RELN: variants seen among roughly 807,000 people sequenced by gnomAD.
The protein encoded by RELN is reelin.
RELN carries 108 observed loss-of-function variants against 427.6 expected under a neutral mutation model. The observed-to-expected ratio is 0.25, with a 90% CI of 0.22 to 0.30. RELN has a LOEUF of 0.30. RELN is among the 10% of genes least tolerant of loss of function. The pLI, the probability that RELN is intolerant of heterozygous loss-of-function variation, is 1.00. For synonymous variants in RELN, 1,524 were observed against 1,513.4 expected (o/e 1.01, Z -0.16); for missense variants, 3,715 against 4,302.8 (o/e 0.86, Z 3.82).
chr7:103,733,494 T>C (rs1790409699), intron 6 of RELN, among the ~76,000 whole-genome samples: 1 of 143,234 alleles, frequency 7.0e-6, no homozygotes, highest in Non-Finnish European at 1.5e-5. Flanking sequence ...TGCACATGTA[T>C]GTTTATTGTG....
chr7:103,775,187 G>C (rs538857137), intron 4 of RELN, among the ~76,000 whole-genome samples: 1 of 152,212 alleles, frequency 6.6e-6, no homozygotes, highest in African/African-American at 2.4e-5. Context: ...TATATTTTCA[G>C]TAATGTGAGT....
At position 103,739,207 on chromosome 7, in the gene RELN, A is replaced by C. The variant is rs891398807; in HGVS notation, c.656+10219T>G. Among the ~76,000 whole-genome samples the C allele has an allele frequency of 8.5e-4, 130 of 152,346 alleles. 1 individual carries two copies. The highest frequency in any genetic ancestry group is 3.0e-3 in the African/African-American group (126 of 41,586). On this transcript the variant is annotated intron_variant, in intron 6 of 64. Transcript: ENST00000428762. The stretch of plus-strand genomic sequence containing the variant: ...TCAAGAATTTCCCCATTCACATAAA[A>C]TACTGGCACTGTTTATATTATAGTG...
intron 1 of RELN, among the ~76,000 whole-genome samples, chr7:103,981,890 G>A (rs774729636): frequency 6.6e-6 from 1 of 152,138 alleles, no homozygotes; most frequent in Non-Finnish European, 1.5e-5. Flanking sequence ...ACTCTGACTG[G>A]GTGCAGTGGC....
At chr7:103,684,164 T>C (rs534176208) in intron 10 of RELN, among the ~76,000 whole-genome samples, 1 of 152,214 alleles carries the variant, frequency 6.6e-6, no homozygotes, top group South Asian at 2.1e-4. Context: ...GAGTTGATAA[T>C]CATAGGCCCT....
At position 103,485,042 on chromosome 7, in the gene RELN, G is replaced by A. The variant is rs147216802; in HGVS notation, c.9983+1155C>T. Among the ~76,000 whole-genome samples, 6 of 152,220 alleles carry A rather than the reference G, an allele frequency of 3.9e-5. No homozygotes were observed. In the East Asian group the frequency reaches 1.2e-3, roughly 29 times the overall value. On this transcript the variant is annotated intron_variant, in intron 61 of 64. Transcript: ENST00000428762. The stretch of plus-strand genomic sequence containing the variant: ...AATAAATCATCATAAGATTCCTCAT[G>A]ATTAACAGAGTACCTAATTTAAAGT...
chr7:103,581,960 T>C (rs1046880739), intron 28 of RELN, among the ~76,000 whole-genome samples: 2 of 151,948 alleles, frequency 1.3e-5, no homozygotes, highest in African/African-American at 4.8e-5. Flanking sequence ...TAATAAATCA[T>C]TATTGTTTTG....
At chr7:103,566,549 G>A in intron 32 of RELN, 52 bp downstream of exon 32, 9 of 1,608,442 alleles carry the variant, frequency 5.6e-6, no homozygotes, top group Non-Finnish European at 7.7e-6. Flanking sequence ...GGTGGGTATG[G>A]ATACTTCATG....
chr7:103,722,002 ACT>A (rs1790088049), intron 8 of RELN, among the ~76,000 whole-genome samples: 1 of 152,112 alleles, frequency 6.6e-6, no homozygotes, highest in African/African-American at 2.4e-5. Context: ...GTCAAAGAAA[ACT>A]CTTTCATCAA....
chr7:103,867,730 C>T (rs1281116958), intron 2 of RELN, among the ~76,000 whole-genome samples: 1 of 151,992 alleles, frequency 6.6e-6, no homozygotes, highest in Non-Finnish European at 1.5e-5. Context: ...TTTAATCTCT[C>T]CTTGACTGCA....
intron 45 of RELN, among the ~76,000 whole-genome samples, chr7:103,537,898 G>A (rs1830090106): frequency 6.6e-6 from 1 of 152,174 alleles, no homozygotes; most frequent in African/African-American, 2.4e-5. Flanking sequence ...TTTGTGAAAT[G>A]TTCCCTAACT....
At chr7:103,570,053 C>T (rs963775361) in intron 31 of RELN, among the ~76,000 whole-genome samples, 1 of 152,158 alleles carries the variant, frequency 6.6e-6, no homozygotes, top group Non-Finnish European at 1.5e-5. Context: ...TACATTTTAA[C>T]AACCAGTTTT....
At chr7:103,888,617 G>T (rs200363862) in intron 2 of RELN, among the ~76,000 whole-genome samples, 1 of 152,064 alleles carries the variant, frequency 6.6e-6, no homozygotes, top group East Asian at 1.9e-4. Context: ...AGACTCCCTG[G>T]CAGAGCCACT....
intron 6 of RELN, among the ~76,000 whole-genome samples, chr7:103,747,226 C>T (rs494623): frequency 6.8e-6 from 1 of 147,086 alleles, no homozygotes; most frequent in African/African-American, 2.6e-5. Context: ...GAACACATGG[C>T]CACAGGAAGG....
At chr7:103,955,677 A>G (rs192053534) in intron 1 of RELN, among the ~76,000 whole-genome samples, 2 of 152,286 alleles carry the variant, frequency 1.3e-5, no homozygotes. Context: ...TGAGTTGGGC[A>G]CTGTAAGGCC....
chr7:103,544,163 T>C (rs966094594), intron 42 of RELN, among the ~76,000 whole-genome samples: 2 of 151,576 alleles, frequency 1.3e-5, no homozygotes, highest in African/African-American at 4.9e-5. Flanking sequence ...TTTTAAAATG[T>C]ATTGTAAAAC....
At chr7:103,595,628 G>C (rs1458432747) in intron 25 of RELN, among the ~76,000 whole-genome samples, 2 of 151,722 alleles carry the variant, frequency 1.3e-5, no homozygotes, top group East Asian at 3.9e-4. Flanking sequence ...CAATAAACAA[G>C]TCTCATTTGT....
chr7:103,750,401 C>A (rs1047489563), intron 5 of RELN, among the ~76,000 whole-genome samples: 5 of 152,188 alleles, frequency 3.3e-5, no homozygotes, highest in African/African-American at 1.2e-4. Context: ...AAGGCCTTCC[C>A]AGCTATGCTG....
At position 103,986,930 on chromosome 7, in the gene RELN, C is replaced by CTGTG. The variant is rs68023932; in HGVS notation, c.226+2197_226+2200dup. ...ATTGGCAGTTCAATTCTAACAGAAG[C>CTGTG]TGTGTGTGTGTGTGTGTGTGTGTGT... On this transcript the variant is annotated intron_variant, in intron 1 of 64. Coordinates refer to ENST00000428762, the MANE Select transcript of RELN (RefSeq NM_005045.4). 7.1e-3 allele frequency among the ~76,000 whole-genome samples: 1,053 copies of CTGTG among 149,026 alleles called. 13 individuals are homozygous for CTGTG. The highest frequency in any genetic ancestry group is 0.011 in the Non-Finnish European group (707 of 67,082).
At chr7:103,802,579 A>G (rs192736343) in intron 3 of RELN, among the ~76,000 whole-genome samples, 7 of 152,258 alleles carry the variant, frequency 4.6e-5, no homozygotes, top group Non-Finnish European at 1.0e-4. Context: ...AAGATACCCA[A>G]ATGTGAAATT....
Sources: gnomAD v4.1 joint callset for allele counts (sites outside exome capture counted in the v4.1 genomes callset) on GRCh38, gnomAD v4.1.1 for gene constraint, MANE v1.5 for transcripts, NCBI Gene and HGNC (gene_info 2026-07-23, HGNC 2026-07-21) for gene names.